Variants in CEP128 observed in about 807,000 individuals in gnomAD.
CEP128 encodes the protein centrosomal protein 128kDa.
CEP128 carries 132 observed loss-of-function variants against 156.7 expected under a neutral mutation model. That is an observed-to-expected ratio of 0.84 (90% CI 0.73 to 0.97). The LOEUF (loss-of-function observed/expected upper bound fraction) is 0.97, where lower values mean the gene tolerates loss of function less well. Among genes scored for constraint, CEP128 ranks in the 50% least tolerant of loss-of-function variants. The pLI, the probability that CEP128 is intolerant of heterozygous loss-of-function variation, is 0.00. For synonymous variants in CEP128, 469 were observed against 448.9 expected, an observed-to-expected ratio of 1.04 and a Z score of -0.57; for missense variants, 1,252 against 1,281.9, an observed-to-expected ratio of 0.98 and a Z score of 0.36.
Position 80,689,907 on chromosome 14 carries a change from T to C in CEP128, c.2806+53168A>G, listed in dbSNP as rs978219142. On this transcript the variant is annotated intron_variant, in intron 19 of 24. Coordinates refer to ENST00000555265, the MANE Select transcript of CEP128 (RefSeq NM_152446.5). ...ATGATTCACAAACTAGTATCTCTTA[T>C]GGAAACAATATAATAACTTGAGAAA... 2.6e-5 allele frequency among the ~76,000 whole-genome samples: 4 copies of C among 152,248 alleles called. 1 individual carries two copies. The highest frequency in any genetic ancestry group is 1.9e-4 in the East Asian group (1 of 5,178).
At chr14:80,810,125 C>T (rs1884421575) in intron 13 of CEP128, among the ~76,000 whole-genome samples, 2 of 151,618 alleles carry the variant, frequency 1.3e-5, no homozygotes, top group Admixed American at 6.6e-5. Flanking sequence ...AGATCGAGAT[C>T]GTCCTGGCTA....
chr14:80,889,203 C>G (rs1277495086), intron 8 of CEP128, among the ~76,000 whole-genome samples: 1 of 152,180 alleles, frequency 6.6e-6, no homozygotes, highest in Non-Finnish European at 1.5e-5. Flanking sequence ...GGCAATACTG[C>G]CCAAAGTAAT....
At chr14:80,717,979 T>C (rs1273506607) in intron 19 of CEP128, among the ~76,000 whole-genome samples, 1 of 151,774 alleles carries the variant, frequency 6.6e-6, no homozygotes, top group African/African-American at 2.4e-5. Context: ...CACACTCAGC[T>C]AACTTGTGTG....
chr14:80,736,642 A>G lies in CEP128; in HGVS notation c.2806+6433T>C, dbSNP rs571912525. Among the ~76,000 whole-genome samples, 5 of 152,316 alleles carry G rather than the reference A, an allele frequency of 3.3e-5. No homozygotes were observed. The South Asian group carries it at 1.0e-3, about 32-fold the overall frequency. On this transcript the variant is annotated intron_variant, in intron 19 of 24. Transcript: ENST00000555265. The stretch of plus-strand genomic sequence containing the variant: ...TGTTGCCAACTGAATACATTACTGG[A>G]AATATTGAAAATCTTTATCTCTAAA...
At position 80,785,226 on chromosome 14, in the gene CEP128, T is replaced by A; in HGVS notation, c.1880A>T (p.Lys627Ile). The A allele has an allele frequency of 1.2e-6, 2 of 1,614,180 alleles. No individual in the cohort carries two copies. The highest frequency in any genetic ancestry group is 1.7e-6 in the Non-Finnish European group (2 of 1,180,006). Residue 627 changes from lysine (K) to isoleucine (I), a missense_variant, in exon 15 of 25, where the codon AAA becomes ATA. Lys to Ile is a moderately radical substitution (Grantham distance 102). Coordinates refer to ENST00000555265, the MANE Select transcript of CEP128 (RefSeq NM_152446.5). ...AELKKSQAQD[K>I]AKLLEMQESI... ...CTCTTGCATCTCAAGAAGTTTAGCT[T>A]TGTCCTGGGCCTGGCTCTTCTTGAG...
intron 19 of CEP128, among the ~76,000 whole-genome samples, chr14:80,737,335 C>T (rs1046658734): frequency 2.6e-5 from 4 of 151,618 alleles, no homozygotes; most frequent in Non-Finnish European, 5.9e-5. Context: ...ACCTAGAAGG[C>T]GGAGGTTACA....
At chr14:80,709,363 C>A (rs1220086025) in intron 19 of CEP128, among the ~76,000 whole-genome samples, 1 of 152,074 alleles carries the variant, frequency 6.6e-6, no homozygotes, top group African/African-American at 2.4e-5. Flanking sequence ...GTCTCGAACT[C>A]CTGACCTCAG....
rs59450199 is a variant in CEP128 at position 80,550,031 on chromosome 14, C to A, written c.2880+9248G>T. Among the ~76,000 whole-genome samples the A allele has an allele frequency of 5.2e-3, 787 of 152,294 alleles. 6 individuals are homozygous for A. The highest frequency in any genetic ancestry group is 0.018 in the African/African-American group (753 of 41,576). Reference sequence around the variant, plus strand: ...AACTAGTGTGTATAGTTCAATGACTCTTTCAGAGATATGCTTCAGACTTCA... The same window carrying A: ...AACTAGTGTGTATAGTTCAATGACTATTTCAGAGATATGCTTCAGACTTCA... On this transcript the variant is annotated intron_variant, in intron 21 of 24. Transcript: ENST00000555265.
At chr14:80,873,512 G>A (rs228127) in intron 8 of CEP128, among the ~76,000 whole-genome samples, 104,270 of 152,078 alleles carry the variant, frequency 0.69, 36,896 homozygotes, top group African/African-American at 0.87. Context: ...TATGCAAATT[G>A]GTACTATTAA....
At chr14:80,941,431 T>A (rs1161604951) in intron 1 of CEP128, 150 bp downstream of exon 1, 1 of 152,302 alleles carries the variant, frequency 6.6e-6, no homozygotes, top group African/African-American at 2.4e-5. Context: ...CCCTCACCTC[T>A]GCACACACTC....
At chr14:80,852,335 T>C (rs962163788) in intron 9 of CEP128, among the ~76,000 whole-genome samples, 1 of 151,694 alleles carries the variant, frequency 6.6e-6, no homozygotes, top group African/African-American at 2.4e-5. Context: ...TAGAGAAAAT[T>C]GTAACAAATT....
chr14:80,870,860 TA>T (rs534049595), intron 8 of CEP128, among the ~76,000 whole-genome samples: 1 of 150,080 alleles, frequency 6.7e-6, no homozygotes, highest in Non-Finnish European at 1.5e-5. Context: ...AAGAGGCCCC[TA>T]AAAAAAACTG....
chr14:80,757,966 C>T (rs534403655), intron 17 of CEP128, among the ~76,000 whole-genome samples: 40 of 152,172 alleles, frequency 2.6e-4, no homozygotes, highest in Middle Eastern at 3.2e-3. Context: ...CCTAATCACC[C>T]GAGTTCACAG....
chr14:80,898,303 A>G (rs1382565912), intron 7 of CEP128, among the ~76,000 whole-genome samples: 2 of 152,184 alleles, frequency 1.3e-5, no homozygotes, highest in African/African-American at 4.8e-5. Context: ...TATAAACATG[A>G]AGTAAGAATC....
intron 9 of CEP128, among the ~76,000 whole-genome samples, chr14:80,854,167 G>A (rs1887032411): frequency 6.6e-6 from 1 of 152,078 alleles, no homozygotes. Context: ...CTGATCAGAT[G>A]GCAAAAACTT....
At chr14:80,836,374 A>G in intron 11 of CEP128, 37 bp from the exon 12 acceptor site, 1 of 1,612,758 alleles carries the variant, frequency 6.2e-7, no homozygotes, top group Non-Finnish European at 8.5e-7. Flanking sequence ...CGGTTTTCAC[A>G]ATCAGAGAAA....
At chr14:80,929,612 G>A (rs566246644) in intron 2 of CEP128, among the ~76,000 whole-genome samples, 1 of 152,280 alleles carries the variant, frequency 6.6e-6, no homozygotes, top group Admixed American at 6.5e-5. Context: ...AAGTAACTCA[G>A]AAATCAAAAG....
At position 80,676,451 on chromosome 14, in the gene CEP128, T is replaced by A. The variant is rs574341113; in HGVS notation, c.2806+66624A>T. Among the ~76,000 whole-genome samples the A allele has an allele frequency of 5.1e-3, 775 of 150,928 alleles. 7 individuals are homozygous for A. Among genetic ancestry groups the A allele is most frequent in the East Asian group, 0.022 (113 of 5,154 alleles). ...TATTTCTATTAATTTGTGATTTTTT[T>A]TAAAAAAAAAATAATCAGATCATCT... On this transcript the variant is annotated intron_variant, in intron 19 of 24. Coordinates refer to ENST00000555265, the MANE Select transcript of CEP128 (RefSeq NM_152446.5).
At chr14:80,769,967 C>T (rs1247726223) in intron 16 of CEP128, among the ~76,000 whole-genome samples, 1 of 152,160 alleles carries the variant, frequency 6.6e-6, no homozygotes, top group Non-Finnish European at 1.5e-5. Context: ...CGGCTTTTTT[C>T]ACCTCAACCA....
Sources: allele counts gnomAD v4.1 joint callset (sites outside exome capture counted in the v4.1 genomes callset), GRCh38; gene constraint gnomAD v4.1.1; transcripts MANE v1.5; gene names NCBI Gene and HGNC (gene_info 2026-07-23, HGNC 2026-07-21).